The following RBL2 variants were observed in gnomAD, a reference collection of about 807,000 sequenced individuals.
RBL2 encodes retinoblastoma-like protein 2.
In RBL2, 56 loss-of-function variants were observed where a neutral mutation model predicts 126.0. The ratio of observed to expected loss-of-function variants is 0.44; its 90% CI spans 0.36 to 0.56. The LOEUF (loss-of-function observed/expected upper bound fraction) is 0.56. Among genes scored for constraint, RBL2 ranks in the 20% least tolerant of loss-of-function variants. RBL2 has a pLI of 0.00. For synonymous variants in RBL2, 454 were observed against 478.5 expected (o/e 0.95, Z 0.67); for missense variants, 1,229 against 1,398.2 (o/e 0.88, Z 1.93).
At chr16:53,488,109 T>A (rs906512323) in intron 21 of RBL2, 2 of 152,224 alleles carry the variant, frequency 1.3e-5, no homozygotes, top group Non-Finnish European at 2.9e-5. Flanking sequence ...CATGACTGTT[T>A]ATAGTGACTT....
At chr16:53,469,775 T>C (rs2058303369) in intron 14 of RBL2, 141 bp from the exon 15 acceptor site, 8 of 1,034,022 alleles carry the variant, frequency 7.7e-6, no homozygotes, top group Non-Finnish European at 1.1e-5. Context: ...AGGTAAGATA[T>C]GACTTCTGTA....
Position 53,479,226 on chromosome 16 carries a change from G to C in RBL2, c.2775+1G>C, listed in dbSNP as rs1960848213. On this transcript the variant is annotated splice_donor_variant, in intron 18 of 21. Coordinates refer to ENST00000262133, the MANE Select transcript of RBL2 (RefSeq NM_005611.4). LOFTEE classifies it high-confidence loss of function. ...GACTCAGCCGCAGGCCCGGAGCCAG[G>C]TAACTACATTTTCTCTATGGGCTGA... 6.2e-7 allele frequency: 1 copy of C among 1,610,728 alleles called. No individual in the cohort carries two copies. The highest frequency in any genetic ancestry group is 8.5e-7 in the Non-Finnish European group (1 of 1,176,968).
chr16:53,442,599 C>T, intron 2 of RBL2, 59 bp from the exon 3 acceptor site: 1 of 1,271,640 alleles, frequency 7.9e-7, no homozygotes, highest in South Asian at 1.3e-5. Context: ...TGAATACTTA[C>T]TTTTGTATAC....
chr16:53,474,888 TTTAA>T (rs1960670676), intron 17 of RBL2, among the ~76,000 whole-genome samples: 1 of 152,196 alleles, frequency 6.6e-6, no homozygotes, highest in South Asian at 2.1e-4. Flanking sequence ...TGCCTTTTTT[TTTAA>T]TTTACAGCTG....
chr16:53,443,097 C>CT (rs2058031152), intron 3 of RBL2: 1 of 230,994 alleles, frequency 4.3e-6, no homozygotes, highest in Non-Finnish European at 8.2e-6. Context: ...TTTCATTTGT[C>CT]TTATTTTATT....
At chr16:53,465,985 ATG>A (rs1360498313) in intron 13 of RBL2, 1 of 154,492 alleles carries the variant, frequency 6.5e-6, no homozygotes, top group Non-Finnish European at 1.4e-5. Context: ...TTTGCCTACT[ATG>A]TGTGTGCACG....
intron 21 of RBL2, chr16:53,487,592 A>T (rs1488742823): frequency 6.6e-6 from 1 of 151,966 alleles, no homozygotes; most frequent in Non-Finnish European, 1.5e-5. Flanking sequence ...AAACCTCTAG[A>T]AGACAACAGA....
At chr16:53,437,476 C>T (rs573149551) in intron 1 of RBL2, among the ~76,000 whole-genome samples, 109 of 152,208 alleles carry the variant, frequency 7.2e-4, no homozygotes, top group African/African-American at 2.5e-3. Context: ...CATCCTTCCT[C>T]GCTTTTATAG....
chr16:53,479,480 T>C (rs1291628370), intron 18 of RBL2: 6 of 531,072 alleles, frequency 1.1e-5, no homozygotes, highest in Non-Finnish European at 2.0e-5. Flanking sequence ...ATTAAGAAGT[T>C]ACTTGGTTTC....
intron 17 of RBL2, among the ~76,000 whole-genome samples, chr16:53,471,405 T>C (rs927193491): frequency 6.6e-6 from 1 of 152,216 alleles, no homozygotes; most frequent in African/African-American, 2.4e-5. Context: ...TCATTAACAC[T>C]TACTATCTTA....
intron 17 of RBL2, among the ~76,000 whole-genome samples, chr16:53,472,919 T>C (rs1264852131): frequency 6.6e-6 from 1 of 152,216 alleles, no homozygotes; most frequent in Non-Finnish European, 1.5e-5. Context: ...ATTATGTGGT[T>C]GTGCAGTTGT....
At chr16:53,486,412 G>T (rs1356038446) in intron 21 of RBL2, among the ~76,000 whole-genome samples, 1 of 152,166 alleles carries the variant, frequency 6.6e-6, no homozygotes, top group Non-Finnish European at 1.5e-5. Context: ...ATCTACTAAA[G>T]AAATTAATTT....
intron 9 of RBL2, among the ~76,000 whole-genome samples, chr16:53,461,219 G>A (rs780607808): frequency 2.7e-4 from 41 of 152,210 alleles, no homozygotes; most frequent in Non-Finnish European, 5.3e-4. Context: ...CCGGCCGGGC[G>A]AAGTGGCTCA....
intron 21 of RBL2, among the ~76,000 whole-genome samples, chr16:53,482,813 A>G (rs1245697519): frequency 1.6e-5 from 1 of 61,012 alleles, no homozygotes; most frequent in East Asian, 3.1e-4. Flanking sequence ...TCACTGTCTC[A>G]AAAAAAAAAA....
chr16:53,462,024 T>C (rs1051018880), intron 10 of RBL2, among the ~76,000 whole-genome samples, 174 bp downstream of exon 10: 10 of 152,240 alleles, frequency 6.6e-5, no homozygotes, highest in African/African-American at 2.2e-4. Context: ...CTCAGTAAGA[T>C]AGAAATTTTA....
At chr16:53,435,622 T>G in intron 1 of RBL2, 1 of 1,279,222 alleles carries the variant, frequency 7.8e-7, no homozygotes, top group Non-Finnish European at 1.0e-6. Context: ...ACGGATTGTT[T>G]ATCAGCTGTT....
At chr16:53,486,259 C>T (rs1230722669) in intron 21 of RBL2, among the ~76,000 whole-genome samples, 2 of 152,066 alleles carry the variant, frequency 1.3e-5, no homozygotes, top group Non-Finnish European at 2.9e-5. Flanking sequence ...TGTGATGGCA[C>T]CCCTGCACTC....
rs1193202366 is a variant in RBL2, at chr16:53,479,850, AC to A, written c.2776-35del. On this transcript the variant is annotated intron_variant, in intron 18 of 21. Transcript: ENST00000262133. ...ATCACCAAGGGTGTGCTCAACAAAT[AC>A]TAGTTTATGTCCCCTTCTCATTGTT... 3 of 1,421,396 alleles carry A rather than the reference AC, an allele frequency of 2.1e-6. No individual in the cohort carries two copies. In the Admixed American group the frequency reaches 5.9e-5, roughly 28 times the overall value. The allele number at this position is 1,421,396 out of a possible 1,614,324, so 88.0% of individuals were successfully genotyped here.
At chr16:53,472,947 AAAG>A (rs749594497) in intron 17 of RBL2, among the ~76,000 whole-genome samples, 14 of 152,244 alleles carry the variant, frequency 9.2e-5, no homozygotes, top group South Asian at 6.2e-4. Context: ...CCATTGTTGA[AAAG>A]AAGATTTTTT....
Sources: allele counts gnomAD v4.1 joint callset (sites outside exome capture counted in the v4.1 genomes callset), GRCh38; gene constraint gnomAD v4.1.1; transcripts MANE v1.5; gene names NCBI Gene and HGNC (gene_info 2026-07-23, HGNC 2026-07-21).